The following CCDC73 variants were observed in gnomAD, a reference collection of about 807,000 sequenced individuals.
CCDC73 encodes the protein coiled-coil domain-containing protein 73.
Under a neutral mutation model 116.5 loss-of-function variants are expected in CCDC73, and 95 were observed. The observed-to-expected ratio is 0.82, with a 90% confidence interval of 0.69 to 0.97. CCDC73 has a LOEUF of 0.97. Ranked by LOEUF, CCDC73 falls within the 50% of genes least tolerant of loss-of-function variation. The probability of loss-of-function intolerance (pLI) is 0.00; values close to 1 mark genes in which losing one functional copy is unlikely to be tolerated. For synonymous variants in CCDC73, 398 were observed against 401.3 expected (o/e 0.99, Z 0.10); for missense variants, 1,066 against 1,206.8 (o/e 0.88, Z 1.73).
intron 2 of CCDC73, among the ~76,000 whole-genome samples, chr11:32,742,559 C>T (rs968183843): frequency 6.6e-6 from 1 of 152,078 alleles, no homozygotes; most frequent in Non-Finnish European, 1.5e-5. Context: ...GATATTAGCC[C>T]TTTGTCAGAT....
intron 3 of CCDC73, among the ~76,000 whole-genome samples, chr11:32,707,568 A>G (rs929664110): frequency 2.0e-5 from 3 of 152,164 alleles, no homozygotes; most frequent in Non-Finnish European, 1.5e-5. Context: ...CTACACTTGC[A>G]TAATATGGGG....
At chr11:32,830,355 G>A in the CCDC73 span, among the ~76,000 whole-genome samples, 1 of 152,236 alleles carries the variant, frequency 6.6e-6, no homozygotes, top group East Asian at 1.9e-4. Flanking sequence ...GCTGCTTCCT[G>A]GGCGCGCGTC....
chr11:32,680,569 C>T (rs1856134128), intron 7 of CCDC73: 1 of 151,986 alleles, frequency 6.6e-6, no homozygotes, highest in Admixed American at 6.5e-5. Context: ...ACTTTAAAGC[C>T]TTGAAGCATT....
intron 2 of CCDC73, among the ~76,000 whole-genome samples, chr11:32,736,773 A>C (rs1453394591): frequency 2.6e-5 from 4 of 151,968 alleles, no homozygotes; most frequent in Admixed American, 2.6e-4. Context: ...GATGTCCATC[A>C]ATGATAGACT....
intron 1 of CCDC73, among the ~76,000 whole-genome samples, chr11:32,791,405 T>C (rs879773373): frequency 1.3e-5 from 2 of 152,240 alleles, no homozygotes; most frequent in Non-Finnish European, 2.9e-5. Context: ...GGAAATCCCA[T>C]ACACTAACTC....
intron 1 of CCDC73, among the ~76,000 whole-genome samples, chr11:32,768,799 C>T (rs887676454): frequency 5.9e-5 from 9 of 152,074 alleles, no homozygotes; most frequent in Admixed American, 2.0e-4. Flanking sequence ...GAGCCTTGAT[C>T]GTGCCACTGC....
At chr11:32,746,815 T>C (rs1390660032) in intron 2 of CCDC73, among the ~76,000 whole-genome samples, 1 of 152,174 alleles carries the variant, frequency 6.6e-6, no homozygotes, top group Admixed American at 6.5e-5. Flanking sequence ...GTTATTCTAG[T>C]TAGCCATTTG....
rs1020739990 is a variant in CCDC73 at position 32,651,073 on chromosome 11, T to C, written c.939+2050A>G. 3.9e-5 allele frequency among the ~76,000 whole-genome samples: 6 copies of C among 152,222 alleles called. No individual in the cohort carries two copies. In the South Asian group the frequency reaches 8.3e-4, roughly 21 times the overall value. On this transcript the variant is annotated intron_variant, in intron 12 of 17. Transcript: ENST00000335185. ...AAGGGCCTCATCACACAACTCAGCA[T>C]GAGTGAGAGCCACCAGCTACCAGGT... is the stretch of plus-strand genomic sequence containing the variant.
chr11:32,652,342 C>G (rs868551786), intron 12 of CCDC73, among the ~76,000 whole-genome samples: 220 of 140,420 alleles, frequency 1.6e-3, no homozygotes, highest in Middle Eastern at 0.011. Context: ...CAAAACAAAA[C>G]AAAACAAAAG....
chr11:32,642,767 A>G (rs1210988103), intron 12 of CCDC73, among the ~76,000 whole-genome samples: 1 of 151,932 alleles, frequency 6.6e-6, no homozygotes, highest in East Asian at 1.9e-4. Flanking sequence ...ATAAACAGTG[A>G]TAGAACTCCT....
At chr11:32,764,072 A>G (rs964640891) in intron 1 of CCDC73, among the ~76,000 whole-genome samples, 5 of 152,182 alleles carry the variant, frequency 3.3e-5, no homozygotes, top group African/African-American at 9.7e-5. Context: ...AAAAAACAGT[A>G]AAAAGAAATG....
chr11:32,669,709 G>A (rs1274862082), intron 9 of CCDC73, among the ~76,000 whole-genome samples: 1 of 151,606 alleles, frequency 6.6e-6, no homozygotes, highest in African/African-American at 2.4e-5. Context: ...AATGAGAACT[G>A]TAATGTTTAT....
intron 13 of CCDC73, among the ~76,000 whole-genome samples, chr11:32,637,892 T>G (rs893218534): frequency 1.3e-5 from 2 of 152,196 alleles, no homozygotes; most frequent in Admixed American, 6.5e-5. Flanking sequence ...TCCAAATGGA[T>G]AGTATGCACT....
chr11:32,668,585 T>C (rs1243562791), intron 9 of CCDC73, among the ~76,000 whole-genome samples: 1 of 152,174 alleles, frequency 6.6e-6, no homozygotes, highest in Non-Finnish European at 1.5e-5. Flanking sequence ...CACTCAAGCA[T>C]ACTATTGTTA....
At chr11:32,647,933 C>G (rs1855792798) in intron 12 of CCDC73, among the ~76,000 whole-genome samples, 1 of 151,944 alleles carries the variant, frequency 6.6e-6, no homozygotes, top group Non-Finnish European at 1.5e-5. Context: ...AACCAGTTCA[C>G]AAAATTCCTT....
chr11:32,827,933 A>G, the CCDC73 span, among the ~76,000 whole-genome samples: 16 of 152,324 alleles, frequency 1.1e-4, no homozygotes, highest in South Asian at 2.1e-4. Context: ...TTCAACCACA[A>G]TAAACCATGT....
chr11:32,748,022 C>A (rs1031298078), intron 2 of CCDC73, among the ~76,000 whole-genome samples: 1 of 152,248 alleles, frequency 6.6e-6, no homozygotes, highest in Admixed American at 6.5e-5. Flanking sequence ...CACCCATCTT[C>A]TGCATCAGTC....
At chr11:32,781,437 T>C (rs1373467984) in intron 1 of CCDC73, among the ~76,000 whole-genome samples, 3 of 152,206 alleles carry the variant, frequency 2.0e-5, no homozygotes, top group Non-Finnish European at 4.4e-5. Flanking sequence ...TTGATTTACA[T>C]CACTCTCTCC....
intron 2 of CCDC73, among the ~76,000 whole-genome samples, chr11:32,747,476 G>A (rs982032054): frequency 1.3e-5 from 2 of 152,198 alleles, no homozygotes; most frequent in African/African-American, 4.8e-5. Flanking sequence ...GTCAGGCAGG[G>A]ATGTTTAAGT....
Sources: allele counts gnomAD v4.1 joint callset (sites outside exome capture counted in the v4.1 genomes callset), GRCh38; gene constraint gnomAD v4.1.1; transcripts MANE v1.5; gene names NCBI Gene and HGNC (gene_info 2026-07-23, HGNC 2026-07-21).